The following CHRM3 variants were observed in gnomAD, a reference collection of about 807,000 sequenced individuals.
CHRM3 encodes the protein muscarinic acetylcholine receptor M3.
Under a neutral mutation model 41.8 loss-of-function variants are expected in CHRM3, and 11 were observed. That is an observed-to-expected ratio of 0.26 (90% CI 0.17 to 0.44). The LOEUF (loss-of-function observed/expected upper bound fraction) is 0.44, where lower values mean the gene tolerates loss of function less well. Ranked by LOEUF, CHRM3 falls within the 20% of genes least tolerant of loss-of-function variation. The pLI is 1.00. For synonymous variants in CHRM3, 297 were observed against 301.4 expected (o/e 0.99, Z 0.15); for missense variants, 571 against 745.4 (o/e 0.77, Z 2.72).
intron 1 of CHRM3, among the ~76,000 whole-genome samples, chr1:239,467,322 G>A (rs1174535426): frequency 6.6e-6 from 1 of 151,632 alleles, no homozygotes; most frequent in East Asian, 1.9e-4. Flanking sequence ...TTTTTTTTGA[G>A]ACAGATTCTC....
intron 1 of CHRM3, among the ~76,000 whole-genome samples, chr1:239,392,217 C>G (rs1405363582): frequency 1.3e-5 from 2 of 152,284 alleles, no homozygotes; most frequent in Middle Eastern, 3.4e-3. Context: ...CAGCTCCTCT[C>G]CTGACAGTGC....
At position 239,513,869 on chromosome 1, in the gene CHRM3, G is replaced by A. The variant is rs539210988; in HGVS notation, c.-422+21062G>A. On this transcript the variant is annotated intron_variant, in intron 2 of 6. Coordinates refer to ENST00000676153, the MANE Select transcript of CHRM3 (RefSeq NM_001375978.1). ...TGCATGTGGATGTCTGGTTGTCCCA[G>A]CACCATTTGTTGAAGCGATATCTTT... Among the ~76,000 whole-genome samples, 8 of 152,180 alleles carry A rather than the reference G, an allele frequency of 5.3e-5. No homozygotes were observed. The East Asian group carries it at 1.5e-3, about 29-fold the overall frequency.
intron 6 of CHRM3, among the ~76,000 whole-genome samples, chr1:239,840,712 T>C (rs1673726262): frequency 6.6e-6 from 1 of 152,166 alleles, no homozygotes; most frequent in South Asian, 2.1e-4. Context: ...TTTAGGGCAA[T>C]AGATATCTCA....
At chr1:239,882,105 G>A (rs1406762097) in intron 6 of CHRM3, among the ~76,000 whole-genome samples, 4 of 151,850 alleles carry the variant, frequency 2.6e-5, no homozygotes, top group South Asian at 2.1e-4. Context: ...ATGGGGTTTC[G>A]CCTTGTTGGC....
chr1:239,845,737 A>C (rs650751), intron 6 of CHRM3, among the ~76,000 whole-genome samples: 132,882 of 152,258 alleles, frequency 0.87, 60,656 homozygotes, highest in East Asian at 1. Flanking sequence ...CAACTAACAG[A>C]TTAGGTCTTG....
chr1:239,670,779 C>CCG (rs1553359332), intron 4 of CHRM3, among the ~76,000 whole-genome samples: 1 of 151,904 alleles, frequency 6.6e-6, no homozygotes, highest in Non-Finnish European at 1.5e-5. Flanking sequence ...CTACCCCCCC[C>CCG]ACCTCAGTTT....
chr1:239,723,830 A>T (rs2217532), intron 5 of CHRM3, among the ~76,000 whole-genome samples: 1 of 151,560 alleles, frequency 6.6e-6, no homozygotes, highest in Non-Finnish European at 1.5e-5. Context: ...TAGAACTTAA[A>T]GATGAGGCCT....
chr1:239,729,981 A>C (rs1369105310), intron 5 of CHRM3, among the ~76,000 whole-genome samples: 1 of 151,924 alleles, frequency 6.6e-6, no homozygotes, highest in Non-Finnish European at 1.5e-5. Context: ...CATTTGTATC[A>C]ACCAAAACAA....
chr1:239,618,760 C>T (rs778825167), intron 3 of CHRM3, among the ~76,000 whole-genome samples: 8 of 143,354 alleles, frequency 5.6e-5, no homozygotes, highest in Non-Finnish European at 1.2e-4. Context: ...AGGAGAATGG[C>T]GTGAACCCGG....
intron 6 of CHRM3, among the ~76,000 whole-genome samples, chr1:239,894,323 G>A (rs955021753): frequency 1.6e-4 from 24 of 152,214 alleles, no homozygotes; most frequent in African/African-American, 2.7e-4. Flanking sequence ...TGGCACAGGC[G>A]CAAGTGGATG....
chr1:239,657,115 A>G (rs1672784923), intron 4 of CHRM3, among the ~76,000 whole-genome samples: 1 of 152,216 alleles, frequency 6.6e-6, no homozygotes, highest in South Asian at 2.1e-4. Context: ...GCCAACAGGT[A>G]CATTTGCACA....
At chr1:239,658,146 T>C (rs1672879841) in intron 4 of CHRM3, among the ~76,000 whole-genome samples, 1 of 152,206 alleles carries the variant, frequency 6.6e-6, no homozygotes, top group Admixed American at 6.5e-5. Flanking sequence ...AGACTGGCTA[T>C]TGAGATCTAG....
chr1:239,583,865 G>GAA (rs146077845), intron 3 of CHRM3, among the ~76,000 whole-genome samples: 1 of 151,476 alleles, frequency 6.6e-6, no homozygotes, highest in Non-Finnish European at 1.5e-5. Flanking sequence ...ACTATTTAGA[G>GAA]AAAAAAAATG....
intron 3 of CHRM3, among the ~76,000 whole-genome samples, chr1:239,555,183 A>T (rs1444436817): frequency 6.6e-6 from 1 of 152,090 alleles, no homozygotes; most frequent in African/African-American, 2.4e-5. Context: ...AAATGTGAGC[A>T]CTCTGAGACC....
rs1669931766 is a variant in CHRM3 at position 239,632,220 on chromosome 1, C to G, written c.-312-4C>G. 1 of 152,018 alleles carries G rather than the reference C, an allele frequency of 6.6e-6. No homozygotes were observed. Among genetic ancestry groups the G allele is most frequent in the South Asian group, 2.1e-4 (1 of 4,822 alleles). 9.4% of individuals were successfully genotyped at this position (152,018 alleles called of 1,614,324 possible). A position where few individuals can be genotyped will look rare whatever the true frequency, so the allele number is the denominator to read the frequency against. On this transcript the variant is annotated splice_region_variant and splice_polypyrimidine_tract_variant and intron_variant, in intron 3 of 6. Transcript: ENST00000676153. ...TTTTTGTTTGTTTGTTTGTTCTTTTCTAGCACTTGTGTTCTGATTAGTGGC... is the reference window on the plus strand; with the variant it reads ...TTTTTGTTTGTTTGTTTGTTCTTTTGTAGCACTTGTGTTCTGATTAGTGGC...
chr1:239,907,978 A>G lies in CHRM3; in HGVS notation c.527A>G (p.Tyr176Cys). 1.2e-6 allele frequency: 2 copies of G among 1,614,212 alleles called. No homozygotes were observed. The highest frequency in any genetic ancestry group is 1.7e-6 in the Non-Finnish European group (2 of 1,180,040). ...RYFSITRPLT[Y>C]RAKRTTKRAG... is the part of the protein sequence containing the mutation. Reference sequence around the variant, plus strand: ...TTTTCCATCACGAGGCCGCTCACGTACCGAGCCAAACGAACAACAAAGAGA... The same window carrying G: ...TTTTCCATCACGAGGCCGCTCACGTGCCGAGCCAAACGAACAACAAAGAGA... The change falls in exon 7 of 7, where the codon TAC (tyrosine) becomes TGC (cysteine). Residue 176 changes from tyrosine (Y) to cysteine (C), a missense_variant. By Grantham distance (194) the Tyr-to-Cys change is radical (BLOSUM62 -2). This residue lies in a region of CHRM3 where 153 missense variants were observed against 296.3 expected (regional missense o/e 0.52). Transcript: ENST00000676153. This position sits in a 1 kb window ranked among gnomAD's most constrained non-coding sequence, Gnocchi z 5.4.
chr1:239,543,267 G>A (rs1176061980), intron 2 of CHRM3, among the ~76,000 whole-genome samples: 1 of 152,142 alleles, frequency 6.6e-6, no homozygotes, highest in African/African-American at 2.4e-5. Flanking sequence ...GACATGAAGT[G>A]TGGCTGAGTC....
At chr1:239,852,404 C>T (rs536089325) in intron 6 of CHRM3, among the ~76,000 whole-genome samples, 34 of 152,060 alleles carry the variant, frequency 2.2e-4, no homozygotes, top group Non-Finnish European at 3.7e-4. Context: ...GTCATGATGA[C>T]GATGACATGC....
chr1:239,456,524 C>T (rs1218312107), intron 1 of CHRM3, among the ~76,000 whole-genome samples: 2 of 152,148 alleles, frequency 1.3e-5, no homozygotes, highest in African/African-American at 2.4e-5. Context: ...TACATCCACT[C>T]TACGATGTCG....
Sources: gnomAD v4.1 joint callset for allele counts (sites outside exome capture counted in the v4.1 genomes callset) on GRCh38, gnomAD v4.1.1 for gene constraint, gnomAD v4.1.1 regional missense constraint, Gnocchi (gnomAD v3.1) non-coding constraint, MANE v1.5 for transcripts, NCBI Gene and HGNC (gene_info 2026-07-23, HGNC 2026-07-21) for gene names.